LSM1: variants seen among roughly 807,000 people sequenced by gnomAD.
The protein encoded by LSM1 is LSM1 homolog, mRNA degradation associated.
A neutral mutation model predicts 18.0 loss-of-function variants in LSM1; 13 were observed. That is an observed-to-expected ratio of 0.72 (90% CI 0.47 to 1.15). LSM1 has a LOEUF of 1.15. Among genes scored for constraint, LSM1 ranks in the 50% most tolerant of loss-of-function variants. LSM1 has a pLI of 0.00. For missense variants in LSM1, 152 were observed against 157.7 expected, an observed-to-expected ratio of 0.96 and a Z score of 0.19; for synonymous variants, 46 against 56.0, an observed-to-expected ratio of 0.82 and a Z score of 0.80.
At chr8:38,168,151 T>C (rs1242339335) in intron 3 of LSM1, among the ~76,000 whole-genome samples, 1 of 151,652 alleles carries the variant, frequency 6.6e-6, no homozygotes, top group East Asian at 2.0e-4. Flanking sequence ...TTAATAGGGA[T>C]GGGGTTTCAC....
intron 2 of LSM1, among the ~76,000 whole-genome samples, chr8:38,170,624 T>C (rs753586323): frequency 1.2e-4 from 19 of 152,230 alleles, no homozygotes; most frequent in Non-Finnish European, 2.4e-4. Flanking sequence ...TGTGGGTGTG[T>C]ATGTGATGAT....
chr8:38,174,055 A>G (rs1803074834), intron 1 of LSM1, among the ~76,000 whole-genome samples: 1 of 152,222 alleles, frequency 6.6e-6, no homozygotes, highest in African/African-American at 2.4e-5. Context: ...AAGACCTTAG[A>G]CGAATAACTT....
At chr8:38,168,707 A>G (rs867438947) in intron 3 of LSM1, among the ~76,000 whole-genome samples, 7 of 151,892 alleles carry the variant, frequency 4.6e-5, no homozygotes, top group Non-Finnish European at 8.8e-5. Flanking sequence ...AAAAATTTTT[A>G]TAAGTATTAC....
At chr8:38,175,334 C>A (rs994861273) in intron 1 of LSM1, among the ~76,000 whole-genome samples, 16 of 152,098 alleles carry the variant, frequency 1.1e-4, no homozygotes, top group Non-Finnish European at 2.9e-5. Context: ...CCCCAAAGTG[C>A]TGGGATTACA....
chr8:38,165,086 C>G (rs893560275), intron 3 of LSM1, among the ~76,000 whole-genome samples: 1 of 152,132 alleles, frequency 6.6e-6, no homozygotes, highest in African/African-American at 2.4e-5. Flanking sequence ...TGGTGGCTCA[C>G]GCTTGTAATC....
intron 2 of LSM1, 66 bp downstream of exon 2, chr8:38,171,899 A>G: frequency 8.0e-7 from 1 of 1,244,796 alleles, no homozygotes; most frequent in Non-Finnish European, 1.2e-6. Context: ...ATATTAAATA[A>G]CAAAAAATGC....
intron 3 of LSM1, among the ~76,000 whole-genome samples, chr8:38,164,469 G>A (rs1052764278): frequency 2.6e-5 from 4 of 151,138 alleles, no homozygotes; most frequent in Non-Finnish European, 1.5e-5. Flanking sequence ...CTCCCCCACT[G>A]CAGAGAATCC....
chr8:38,163,494 T>TAAAAAAAAAAAA lies in LSM1; in HGVS notation c.*175_*176insTTTTTTTTTTTT. ...TTTCTTTAAACAGTGATTTTGTTAT[T>TAAAAAAAAAAAA]AAAAAAAAAACCCACCTACACGATT... On this transcript the variant is annotated 3_prime_UTR_variant, in exon 4 of 4. Coordinates refer to ENST00000311351, the MANE Select transcript of LSM1 (RefSeq NM_014462.3). The TAAAAAAAAAAAA allele has an allele frequency of 2.1e-6, 1 of 484,822 alleles. No homozygotes were observed. The highest frequency in any genetic ancestry group is 3.6e-6 in the Non-Finnish European group (1 of 276,900). 30.0% of individuals were successfully genotyped at this position (484,822 alleles called of 1,614,324 possible).
rs79882318 is a variant in LSM1, at chr8:38,168,977, C to T, written c.231+825G>A. On this transcript the variant is annotated intron_variant, in intron 3 of 3. Coordinates refer to ENST00000311351, the MANE Select transcript of LSM1 (RefSeq NM_014462.3). ...AAGATTTCTGCAAACTGATTTAAGACATGGCTAGGTATTTAGAAAACAGTA... is the reference window on the plus strand; with the variant it reads ...AAGATTTCTGCAAACTGATTTAAGATATGGCTAGGTATTTAGAAAACAGTA... Among the ~76,000 whole-genome samples, 92 of 152,182 alleles carry T rather than the reference C, an allele frequency of 6.0e-4. 2 individuals carry two copies. In the East Asian group the frequency reaches 0.017, roughly 27 times the overall value.
intron 1 of LSM1, among the ~76,000 whole-genome samples, chr8:38,172,546 T>G (rs1216720866): frequency 6.6e-6 from 1 of 152,132 alleles, no homozygotes; most frequent in Admixed American, 6.6e-5. Flanking sequence ...GGTCTCAAAC[T>G]CCTGACTTCA....
intron 1 of LSM1, among the ~76,000 whole-genome samples, chr8:38,175,030 A>G (rs1803101136): frequency 7.0e-6 from 1 of 143,856 alleles, no homozygotes; most frequent in Admixed American, 6.7e-5. Context: ...TGTCTCAAAA[A>G]AAAAAAAAAA....
chr8:38,171,996 A>G lies in LSM1; in HGVS notation c.84T>C (p.Leu28=). Residue 28 remains leucine (L), a synonymous_variant, in exon 2 of 4, where the codon CTT becomes CTC. Transcript: ENST00000311351. ...GATCAATGCTTCTTAAAAAGCCTAT[A>G]AGTGTCCTTCCATCTCGAAGCAGAA... is the stretch of plus-strand genomic sequence containing the variant. ...HLVLLRDGRT[L]IGFLRSIDQF... The G allele has an allele frequency of 6.2e-7, 1 of 1,612,546 alleles. No individual in the cohort carries two copies. Among genetic ancestry groups the G allele is most frequent in the Non-Finnish European group, 8.5e-7 (1 of 1,179,516 alleles).
intron 2 of LSM1, among the ~76,000 whole-genome samples, chr8:38,170,479 C>T (rs958179520): frequency 6.6e-6 from 1 of 152,066 alleles, no homozygotes; most frequent in East Asian, 1.9e-4. Flanking sequence ...AAATAAATTC[C>T]TTTATCAGTT....
Position 38,163,543 on chromosome 8 carries a change from A to T in LSM1, c.*127T>A. On this transcript the variant is annotated 3_prime_UTR_variant, in exon 4 of 4. Coordinates refer to ENST00000311351, the MANE Select transcript of LSM1 (RefSeq NM_014462.3). ...TTTCTTCATGTTGCATATGTAAAAT[A>T]ATTAAAAATAAAAGTGACTTTTCAA... The T allele has an allele frequency of 1.3e-6, 1 of 770,150 alleles. No individual in the cohort carries two copies. Among genetic ancestry groups the T allele is most frequent in the Non-Finnish European group, 2.0e-6 (1 of 496,154 alleles). The allele number at this position is 770,150 out of a possible 1,614,324, so 47.7% of individuals were successfully genotyped here.
At chr8:38,167,769 TCAA>T (rs1802960448) in intron 3 of LSM1, among the ~76,000 whole-genome samples, 1 of 152,084 alleles carries the variant, frequency 6.6e-6, no homozygotes, top group Non-Finnish European at 1.5e-5. Context: ...ACTGGCAGTA[TCAA>T]GCACAGTGGC....
chr8:38,169,771 G>T, intron 3 of LSM1, 31 bp downstream of exon 3: 1 of 1,245,150 alleles, frequency 8.0e-7, no homozygotes, highest in Non-Finnish European at 1.2e-6. Flanking sequence ...TGAATATGAA[G>T]ATCTACAGCA....
At chr8:38,169,984 A>G in intron 2 of LSM1, 67 bp from the exon 3 acceptor site, 1 of 691,124 alleles carries the variant, frequency 1.4e-6, no homozygotes, top group Non-Finnish European at 2.6e-6. Context: ...CCATAACTCA[A>G]TAATCAGTTA....
At chr8:38,168,781 T>TTCATATATTTCATATAC (rs1275282478) in intron 3 of LSM1, among the ~76,000 whole-genome samples, 2 of 152,060 alleles carry the variant, frequency 1.3e-5, no homozygotes, top group Non-Finnish European at 2.9e-5. Flanking sequence ...ATTTCATATA[T>TTCATATATTTCATATAC]TCATATATTT....
Position 38,176,407 on chromosome 8 carries a change from G to A in LSM1, c.-87C>T. On this transcript the variant is annotated 5_prime_UTR_variant, in exon 1 of 4. Transcript: ENST00000311351. Reference sequence around the variant, plus strand: ...CCCTCCTACCGCAGTCGCCGCCTCGGTGGGACCAAGCCCGGAATCCCGACC... The same window carrying A: ...CCCTCCTACCGCAGTCGCCGCCTCGATGGGACCAAGCCCGGAATCCCGACC... 9.2e-7 allele frequency: 1 copy of A among 1,086,030 alleles called. No individual in the cohort carries two copies. Among genetic ancestry groups the A allele is most frequent in the Non-Finnish European group, 1.4e-6 (1 of 732,312 alleles). 67.3% of individuals were successfully genotyped at this position (1,086,030 alleles called of 1,614,324 possible).
Sources: allele counts gnomAD v4.1 joint callset (sites outside exome capture counted in the v4.1 genomes callset), GRCh38; gene constraint gnomAD v4.1.1; transcripts MANE v1.5; gene names NCBI Gene and HGNC (gene_info 2026-07-23, HGNC 2026-07-21).